Variants in DNAH17 observed in about 807,000 individuals in gnomAD.
DNAH17 encodes the protein axonemal beta dynein heavy chain 17.
DNAH17 carries 376 observed loss-of-function variants against 485.6 expected under a neutral mutation model. The observed-to-expected ratio is 0.77, with a 90% CI of 0.71 to 0.84. DNAH17 has a LOEUF of 0.84. Among genes scored for constraint, DNAH17 ranks in the 40% least tolerant of loss-of-function variants. The pLI, the probability that DNAH17 is intolerant of heterozygous loss-of-function variation, is 0.00. For missense variants in DNAH17, 6,370 were observed against 5,839.3 expected, an observed-to-expected ratio of 1.09 and a Z score of -2.96; for synonymous variants, 3,031 against 2,405.9, an observed-to-expected ratio of 1.26 and a Z score of -7.60.
intron 77 of DNAH17, 98 bp from the exon 78 acceptor site, chr17:78,427,206 T>A: frequency 7.7e-7 from 1 of 1,293,334 alleles, no homozygotes; most frequent in Non-Finnish European, 1.1e-6. Flanking sequence ...CAGCCCCAAG[T>A]CCTGGAGAGG....
chr17:78,531,165 G>A (rs1002814190), intron 20 of DNAH17, among the ~76,000 whole-genome samples: 1 of 151,916 alleles, frequency 6.6e-6, no homozygotes, highest in Non-Finnish European at 1.5e-5. Flanking sequence ...AACTGTTACT[G>A]TACTGGGGTC....
At chr17:78,552,415 C>G (rs1342150927) in intron 15 of DNAH17, among the ~76,000 whole-genome samples, 1 of 152,096 alleles carries the variant, frequency 6.6e-6, no homozygotes, top group African/African-American at 2.4e-5. Context: ...ACAGTGGAAA[C>G]TGGGCCTCCA....
intron 36 of DNAH17, 72 bp from the exon 37 acceptor site, chr17:78,499,184 C>A: frequency 9.0e-7 from 1 of 1,109,242 alleles, no homozygotes; most frequent in Non-Finnish European, 1.3e-6. Flanking sequence ...AGGGGCCTCC[C>A]CCTGCCTCTT....
intron 60 of DNAH17, 54 bp from the exon 61 acceptor site, chr17:78,459,262 C>CT: frequency 6.5e-7 from 1 of 1,544,158 alleles, no homozygotes; most frequent in Non-Finnish European, 8.9e-7. Flanking sequence ...TCTGGCAAAA[C>CT]GGGCCCAGAG....
rs1487630020 is a variant in DNAH17 at position 78,475,822 on chromosome 17, A to C, written c.8166T>G (p.Asp2722Glu). The C allele has an allele frequency of 3.1e-6, 5 of 1,610,640 alleles. No individual in the cohort carries two copies. Among genetic ancestry groups the C allele is most frequent in the Non-Finnish European group, 3.4e-6 (4 of 1,179,038 alleles). ...STKKFFDDLG[D>E]ELLFAKPNIF... ...TATTTGGCTTGGCAAATAAGAGTTC[A>C]TCACCAAGATCCTAGAAAAAGAAAA... The change falls in exon 53 of 81, where the codon GAT (aspartate) becomes GAG (glutamate). Residue 2722 changes from aspartate (D) to glutamate (E), a missense_variant. Physicochemically the swap from Asp to Glu is conservative, Grantham distance 45. Coordinates refer to ENST00000389840, the MANE Select transcript of DNAH17 (RefSeq NM_173628.4).
intron 18 of DNAH17, 50 bp from the exon 19 acceptor site, chr17:78,537,531 G>A: frequency 6.3e-7 from 1 of 1,589,538 alleles, no homozygotes. Context: ...TCCTCCATCG[G>A]ATGATTCTCA....
At position 78,525,153 on chromosome 17, in the gene DNAH17, C is replaced by CT; in HGVS notation, c.3719dup (p.Ser1241GlufsTer67). ...TGATGCCTTCCATGGCGGAGATGCT[C>CT]TTTTGTTGCTAGGGGCGGCGAGGGG... On this transcript the variant is annotated frameshift_variant, in exon 25 of 81. Transcript: ENST00000389840. LOFTEE classifies it high-confidence loss of function. 6.2e-7 allele frequency: 1 copy of CT among 1,612,790 alleles called. No homozygotes were observed. The highest frequency in any genetic ancestry group is 8.5e-7 in the Non-Finnish European group (1 of 1,179,342).
chr17:78,475,341 G>A lies in DNAH17; in HGVS notation c.8448C>T (p.Tyr2816=). The A allele has an allele frequency of 1.2e-6, 2 of 1,613,996 alleles. No homozygotes were observed. The highest frequency in any genetic ancestry group is 1.7e-6 in the Non-Finnish European group (2 of 1,179,896). ...GKQSLSRLAA[Y]ISGLDVFQIT... The stretch of plus-strand genomic sequence containing the variant: ...TCTGAAACACGTCAAGCCCGCTGAT[G>A]TACGCTGCCAGGCGGGAGAGGCTCT... Residue 2816 remains tyrosine (Y), a synonymous_variant, in exon 54 of 81, where the codon TAC becomes TAT. Transcript: ENST00000389840.
rs148636690 is a variant in DNAH17, at chr17:78,543,980, C to T, written c.2409G>A (p.Pro803=). 2.8e-3 allele frequency: 4,570 copies of T among 1,613,944 alleles called. 109 individuals are homozygous for T. The South Asian group carries it at 0.038, about 13-fold the overall frequency. The change falls in exon 17 of 81, where the codon CCG becomes CCA. Residue 803 remains proline, a synonymous_variant. Coordinates refer to ENST00000389840, the MANE Select transcript of DNAH17 (RefSeq NM_173628.4). ...TCTTATTGTCCTTTCTTTCAAACAG[C>T]GGGTTGGCCGACCAGTCCTGGAAGG... ...SQAMKDWSAN[P]LFERKDNKKE...
intron 25 of DNAH17, chr17:78,522,656 C>T (rs763239276): frequency 9.4e-6 from 2 of 213,286 alleles, no homozygotes; most frequent in Non-Finnish European, 1.9e-5. Flanking sequence ...TGGCCGGCTG[C>T]TTCCTGAATG....
Position 78,499,091 on chromosome 17 carries a change from C to A in DNAH17, c.5662G>T (p.Gly1888Cys). ...DYKSCGNIYK[G>C]LAQTGAWGCF... is the part of the protein sequence containing the mutation. Reference sequence around the variant, plus strand: ...CCCCAGGCTCCCGTCTGGGCCAGGCCCTTGTAGATATTTCCACAGGACTGG... The same window carrying A: ...CCCCAGGCTCCCGTCTGGGCCAGGCACTTGTAGATATTTCCACAGGACTGG... The change falls in exon 37 of 81, where the codon GGC (glycine) becomes TGC (cysteine). Residue 1888 changes from glycine to cysteine, a missense_variant. Transcript: ENST00000389840. 6.2e-7 allele frequency: 1 copy of A among 1,603,142 alleles called. No homozygotes were observed. The highest frequency in any genetic ancestry group is 8.5e-7 in the Non-Finnish European group (1 of 1,175,148).
At chr17:78,497,891 C>A (rs2090130534) in intron 37 of DNAH17, among the ~76,000 whole-genome samples, 1 of 152,152 alleles carries the variant, frequency 6.6e-6, no homozygotes, top group East Asian at 1.9e-4. Context: ...GCCTGTAATC[C>A]CAGCAGTTTG....
At chr17:78,524,471 G>A (rs532781870) in intron 25 of DNAH17, among the ~76,000 whole-genome samples, 15 of 152,168 alleles carry the variant, frequency 9.9e-5, no homozygotes, top group African/African-American at 2.2e-4. Context: ...ACCCTGGAGC[G>A]ATTTCTCAGC....
intron 30 of DNAH17, 85 bp downstream of exon 30, chr17:78,506,635 C>T (rs2090492583): frequency 1.9e-6 from 3 of 1,589,912 alleles, no homozygotes; most frequent in East Asian, 2.2e-5. Context: ...ACTTACCCCA[C>T]CCTAGGGCGG....
chr17:78,473,543 C>CAAAAAAAAAAA (rs758795883), intron 54 of DNAH17, among the ~76,000 whole-genome samples: 1 of 55,446 alleles, frequency 1.8e-5, no homozygotes, highest in Non-Finnish European at 3.5e-5. Context: ...GACTCTGTCT[C>CAAAAAAAAAAA]AAAAAAAAAA....
At position 78,570,885 on chromosome 17, in the gene DNAH17, AG is replaced by A. The variant is rs368531272; in HGVS notation, c.918+62del. On this transcript the variant is annotated intron_variant, in intron 6 of 80. Transcript: ENST00000389840. ...AAAAAAAAAAAAAAAAAAAGAAAAA[AG>A]AAAAGAAAAGAAAAGAAACAAGACC... is the stretch of plus-strand genomic sequence containing the variant. 4.2e-4 allele frequency: 294 copies of A among 701,582 alleles called. 1 individual carries two copies. Among genetic ancestry groups the A allele is most frequent in the African/African-American group, 1.5e-3 (67 of 43,610 alleles). The allele number at this position is 701,582 out of a possible 1,614,324, so 43.5% of individuals were successfully genotyped here. A position where few individuals can be genotyped will look rare whatever the true frequency, so the allele number is the denominator to read the frequency against.
At position 78,500,538 on chromosome 17, in the gene DNAH17, T is replaced by TCA. The variant is rs1232617488; in HGVS notation, c.5484-79_5484-78dup. 8 of 1,360,936 alleles carry TCA rather than the reference T, an allele frequency of 5.9e-6. No individual in the cohort carries two copies. The East Asian group carries it at 1.8e-4, about 31-fold the overall frequency. The allele number at this position is 1,360,936 out of a possible 1,614,324, so 84.3% of individuals were successfully genotyped here. ...GCTTTTATTTTTTTGAGACAGAGTCTCACTCTGTCACCCAGGCTGGAGTGC... is the reference window on the plus strand; with the variant it reads ...GCTTTTATTTTTTTGAGACAGAGTCTCACACTCTGTCACCCAGGCTGGAGTGC... On this transcript the variant is annotated intron_variant, in intron 35 of 80. Coordinates refer to ENST00000389840, the MANE Select transcript of DNAH17 (RefSeq NM_173628.4).
intron 71 of DNAH17, 122 bp downstream of exon 71, chr17:78,444,482 G>A (rs1205654635): frequency 7.7e-6 from 7 of 910,324 alleles, no homozygotes; most frequent in Non-Finnish European, 1.1e-5. Context: ...TGTAAAATGG[G>A]GAGAAGAAAA....
Position 78,551,523 on chromosome 17 carries a change from C to T in DNAH17, c.2391+12G>A. 1.2e-6 allele frequency: 2 copies of T among 1,612,310 alleles called. No homozygotes were observed. Among genetic ancestry groups the T allele is most frequent in the Non-Finnish European group, 1.7e-6 (2 of 1,178,342 alleles). On this transcript the variant is annotated intron_variant, in intron 16 of 80. Coordinates refer to ENST00000389840, the MANE Select transcript of DNAH17 (RefSeq NM_173628.4). ...CCACAAAGCCCCACTCTGTGCTCTG[C>T]CCCTTGCTTACCTTCATAGCCTGGG...
Sources: gnomAD v4.1 joint callset for allele counts (sites outside exome capture counted in the v4.1 genomes callset) on GRCh38, gnomAD v4.1.1 for gene constraint, MANE v1.5 for transcripts, NCBI Gene and HGNC (gene_info 2026-07-23, HGNC 2026-07-21) for gene names.